Variants in ZNF397 observed in about 807,000 individuals in gnomAD.
ZNF397 encodes zinc finger protein 397.
ZNF397 carries 38 observed loss-of-function variants against 50.6 expected under a neutral mutation model. The observed-to-expected ratio is 0.75, with a 90% CI of 0.58 to 0.98. The LOEUF (loss-of-function observed/expected upper bound fraction) is 0.98. ZNF397 is among the 50% of genes least tolerant of loss of function. The pLI is 0.00. For missense variants in ZNF397, 624 were observed against 624.1 expected (o/e 1.00, Z 0.00); for synonymous variants, 228 against 215.2 (o/e 1.06, Z -0.52).
chr18:35,242,261 ATTGTT>A, intron 1 of ZNF397, 125 bp from the exon 2 acceptor site: 1 of 462,140 alleles, frequency 2.2e-6, no homozygotes, highest in Non-Finnish European at 3.8e-6. Flanking sequence ...TCATCACATT[ATTGTT>A]TTATTTAGTG....
Position 35,247,314 on chromosome 18 carries a change from C to A in ZNF397, c.*1004C>A. On this transcript the variant is annotated 3_prime_UTR_variant, in exon 4 of 4. Transcript: ENST00000330501. ...AAAGGGCAAATATGTGGTTTCCTTG[C>A]CCAACCTGTAGGCTATCCTAGAACT... The A allele has an allele frequency of 3.2e-6, 1 of 308,918 alleles. No individual in the cohort carries two copies. The highest frequency in any genetic ancestry group is 1.3e-4 in the South Asian group (1 of 7,914). 19.1% of individuals were successfully genotyped at this position (308,918 alleles called of 1,614,324 possible).
chr18:35,253,400 C>T, downstream of ZNF397: 1 of 1,481,880 alleles, frequency 6.7e-7, no homozygotes, highest in Non-Finnish European at 9.1e-7. Flanking sequence ...AGTCTCACCC[C>T]TACAGTGAAC....
chr18:35,246,699 T>G lies in ZNF397; in HGVS notation c.*389T>G. On this transcript the variant is annotated 3_prime_UTR_variant, in exon 4 of 4. Transcript: ENST00000330501. ...TGTGGACTGTGTGAGGCACTTCGTC[T>G]CAGGAACTAAAAAAAAAAAAAAAAC... The G allele has an allele frequency of 1.0e-6, 1 of 981,418 alleles. No homozygotes were observed. Among genetic ancestry groups the G allele is most frequent in the Non-Finnish European group, 1.2e-6 (1 of 831,116 alleles). 60.8% of individuals were successfully genotyped at this position (981,418 alleles called of 1,614,324 possible).
At chr18:35,257,447 A>T (rs1259336730) in intron 5 of ZNF397, 1 of 158,672 alleles carries the variant, frequency 6.3e-6, no homozygotes, top group Non-Finnish European at 1.4e-5. Context: ...CTAGGTCATG[A>T]GGGCTTAGTG....
Position 35,248,297 on chromosome 18 carries a change from A to C in ZNF397, c.*1987A>C, listed in dbSNP as rs1015844235. ...CTTATTGGGGCGTGCATCAGTGGACATGTGCTAACCAGTAAGAACAGCAGG... is the reference window on the plus strand; with the variant it reads ...CTTATTGGGGCGTGCATCAGTGGACCTGTGCTAACCAGTAAGAACAGCAGG... On this transcript the variant is annotated 3_prime_UTR_variant, in exon 4 of 4. Coordinates refer to ENST00000330501, the MANE Select transcript of ZNF397 (RefSeq NM_001135178.3). 6.6e-6 allele frequency: 1 copy of C among 152,142 alleles called. No homozygotes were observed. Among genetic ancestry groups the C allele is most frequent in the Non-Finnish European group, 1.5e-5 (1 of 68,016 alleles). 9.4% of individuals were successfully genotyped at this position (152,142 alleles called of 1,614,324 possible).
rs1364228979 is a variant in ZNF397 at position 35,249,120 on chromosome 18, A to C, written c.*2810A>C. On this transcript the variant is annotated 3_prime_UTR_variant, in exon 4 of 4. Coordinates refer to ENST00000330501, the MANE Select transcript of ZNF397 (RefSeq NM_001135178.3). ...CAATGAACAATAAATGTTCAACCTC[A>C]CTACAGTTAAAATGTATATTAAAGC... The C allele has an allele frequency of 6.6e-6, 1 of 152,150 alleles. No homozygotes were observed. Among genetic ancestry groups the C allele is most frequent in the Non-Finnish European group, 1.5e-5 (1 of 68,040 alleles). 9.4% of individuals were successfully genotyped at this position (152,150 alleles called of 1,614,324 possible). A position where few individuals can be genotyped will look rare whatever the true frequency, so the allele number is the denominator to read the frequency against.
rs1396281113 is a variant in ZNF397 at position 35,242,860 on chromosome 18, G to A, written c.390G>A (p.Arg130=). The stretch of plus-strand genomic sequence containing the variant: ...TGACCCTGTTGGAGGATTTAGAGAG[G>A]GAGTTTGATGACCCAGGGCAGCAGG... ...EAVTLLEDLE[R]EFDDPGQQVP... is the part of the protein sequence containing the mutation. The change falls in exon 2 of 4, where the codon AGG becomes AGA. Residue 130 remains arginine (R), a synonymous_variant. Coordinates refer to ENST00000330501, the MANE Select transcript of ZNF397 (RefSeq NM_001135178.3). 4 of 1,611,274 alleles carry A rather than the reference G, an allele frequency of 2.5e-6. No homozygotes were observed. The South Asian group carries it at 4.4e-5, about 18-fold the overall frequency.
rs2043510541 is a variant in ZNF397, at chr18:35,247,994, CAA to C, written c.*1685_*1686del. ...CATCTTTTGCAAATTTTATTAAAGA[CAA>C]TGCTAAAAGGAAGTGACAACTGAAA... On this transcript the variant is annotated 3_prime_UTR_variant, in exon 4 of 4. Transcript: ENST00000330501. 1 of 152,114 alleles carries C rather than the reference CAA, an allele frequency of 6.6e-6. No homozygotes were observed. The highest frequency in any genetic ancestry group is 2.4e-5 in the African/African-American group (1 of 41,416). The allele number at this position is 152,114 out of a possible 1,614,324, so 9.4% of individuals were successfully genotyped here.
Position 35,249,376 on chromosome 18 carries a change from G to T in ZNF397, c.*3066G>T, listed in dbSNP as rs1365946000. On this transcript the variant is annotated 3_prime_UTR_variant, in exon 4 of 4. Transcript: ENST00000330501. ...TCTTAAAACTGATGTCACAGGCCAG[G>T]CACAGTGGCTCATGCCTGTAATCCC... 1 of 152,172 alleles carries T rather than the reference G, an allele frequency of 6.6e-6. No individual in the cohort carries two copies. The highest frequency in any genetic ancestry group is 2.4e-5 in the African/African-American group (1 of 41,428). The allele number at this position is 152,172 out of a possible 1,614,324, so 9.4% of individuals were successfully genotyped here.
downstream of ZNF397, chr18:35,252,291 A>T (rs190191630): frequency 1.3e-5 from 2 of 152,228 alleles, no homozygotes; most frequent in African/African-American, 4.8e-5. Flanking sequence ...GAAAGAATGC[A>T]TATCAGAGGC....
chr18:35,253,410 C>A (rs2143643163), downstream of ZNF397: 1 of 1,504,084 alleles, frequency 6.6e-7, no homozygotes, highest in Non-Finnish European at 8.9e-7. Context: ...CTACAGTGAA[C>A]TCCTTGCATT....
rs749766727 is a variant in ZNF397 at position 35,245,415 on chromosome 18, C to T, written c.710C>T (p.Pro237Leu). ...GCTACAGGGGAGAAACTAAGATCTC[C>T]TTCCCAAGGGGGCAGTTTTAGTCAA... ...GSATGEKLRS[P>L]SQGGSFSQVI... Residue 237 changes from proline (P) to leucine (L), a missense_variant, in exon 4 of 4, where the codon CCT becomes CTT. By Grantham distance (98) the Pro-to-Leu change is moderately conservative. Transcript: ENST00000330501. 35 of 1,578,736 alleles carry T rather than the reference C, an allele frequency of 2.2e-5. No individual in the cohort carries two copies. The highest frequency in any genetic ancestry group is 2.9e-5 in the Non-Finnish European group (34 of 1,161,928).
chr18:35,254,492 G>A (rs1435127120), downstream of ZNF397: 1 of 1,558,058 alleles, frequency 6.4e-7, no homozygotes, highest in Admixed American at 1.9e-5. Context: ...TAGGAGGACA[G>A]TTCTCAAAAC....
chr18:35,246,023 C>A lies in ZNF397; in HGVS notation c.1318C>A (p.Leu440Met), dbSNP rs1302876845. Residue 440 changes from leucine (L) to methionine (M), a missense_variant, in exon 4 of 4, where the codon CTG (leucine) becomes ATG (methionine). Physicochemically the swap from Leu to Met is conservative, Grantham distance 15. Transcript: ENST00000330501. ...AAAAGCTTTCAGGCAGAGCTCAGAG[C>A]TGATTACTCATCAGAGAATACATAG... Reference protein sequence around the residue: ...CGKAFRQSSELITHQRIHSGE... With the variant: ...CGKAFRQSSEMITHQRIHSGE... 1.3e-6 allele frequency: 2 copies of A among 1,570,010 alleles called. No individual in the cohort carries two copies. Among genetic ancestry groups the A allele is most frequent in the Non-Finnish European group, 1.7e-6 (2 of 1,157,608 alleles).
Position 35,246,201 on chromosome 18 carries a change from A to G in ZNF397, c.1496A>G (p.His499Arg). Reference sequence around the variant, plus strand: ...AAAAGGAGCTCAGCCCTTGTTCAGCATCAGAGAATTCATTCTGGGGATGAA... The same window carrying G: ...AAAAGGAGCTCAGCCCTTGTTCAGCGTCAGAGAATTCATTCTGGGGATGAA... ...TFKRSSALVQHQRIHSGDEAY... is the reference protein window; with the variant it reads ...TFKRSSALVQRQRIHSGDEAY... The change falls in exon 4 of 4, where the codon CAT becomes CGT. Residue 499 changes from histidine (H) to arginine (R), a missense_variant. Transcript: ENST00000330501. The G allele has an allele frequency of 6.4e-7, 1 of 1,552,098 alleles. No homozygotes were observed. Among genetic ancestry groups the G allele is most frequent in the South Asian group, 1.2e-5 (1 of 84,064 alleles).
At position 35,242,417 on chromosome 18, in the gene ZNF397, C is replaced by T. The variant is rs1912575204; in HGVS notation, c.-54C>T. 6.5e-7 allele frequency: 1 copy of T among 1,532,928 alleles called. No homozygotes were observed. Among genetic ancestry groups the T allele is most frequent in the South Asian group, 1.3e-5 (1 of 79,914 alleles). The allele number at this position is 1,532,928 out of a possible 1,614,324, so 95.0% of individuals were successfully genotyped here. A position where few individuals can be genotyped will look rare whatever the true frequency, so the allele number is the denominator to read the frequency against. On this transcript the variant is annotated 5_prime_UTR_variant, in exon 2 of 4. Coordinates refer to ENST00000330501, the MANE Select transcript of ZNF397 (RefSeq NM_001135178.3). ...AAAGAAGAGATTACTCACACTCCTT[C>T]GCAAGCACAGAACCAGTTGTACTGA...
chr18:35,242,669 G>C lies in ZNF397; in HGVS notation c.199G>C (p.Ala67Pro), dbSNP rs1441585070. The C allele has an allele frequency of 9.9e-6, 16 of 1,614,108 alleles. No individual in the cohort carries two copies. Among genetic ancestry groups the C allele is most frequent in the African/African-American group, 5.3e-5 (4 of 74,950 alleles). ...CCAGGAGACACCTGGGCCCCGGGAGGCTCTGAGCCGACTCCAGGAACTTTG... is the reference window on the plus strand; with the variant it reads ...CCAGGAGACACCTGGGCCCCGGGAGCCTCTGAGCCGACTCCAGGAACTTTG... ...CYQETPGPREALSRLQELCYQ... is the reference protein window; with the variant it reads ...CYQETPGPREPLSRLQELCYQ... Residue 67 changes from alanine to proline, a missense_variant, in exon 2 of 4, where the codon GCT becomes CCT. Transcript: ENST00000330501.
chr18:35,246,957 A>T lies in ZNF397; in HGVS notation c.*647A>T. ...GGCAAGGCAGCCAGACAGGCAGTGA[A>T]AGTGGAATGCTCCTATGTGACCTTA... On this transcript the variant is annotated 3_prime_UTR_variant, in exon 4 of 4. Transcript: ENST00000330501. 2.3e-6 allele frequency: 2 copies of T among 859,888 alleles called. No homozygotes were observed. Among genetic ancestry groups the T allele is most frequent in the Non-Finnish European group, 2.8e-6 (2 of 715,452 alleles). 53.3% of individuals were successfully genotyped at this position (859,888 alleles called of 1,614,324 possible). A position where few individuals can be genotyped will look rare whatever the true frequency, so the allele number is the denominator to read the frequency against.
chr18:35,253,541 C>G, downstream of ZNF397: 1 of 1,613,946 alleles, frequency 6.2e-7, no homozygotes, highest in Non-Finnish European at 8.5e-7. Flanking sequence ...AGGCTTCTCT[C>G]CAGTGTGAAT....
Sources: allele counts gnomAD v4.1 joint callset, GRCh38; gene constraint gnomAD v4.1.1; transcripts MANE v1.5; gene names NCBI Gene and HGNC (gene_info 2026-07-23, HGNC 2026-07-21).